MDFIC2: variants seen among roughly 807,000 people sequenced by gnomAD.
MDFIC2 encodes the protein MyoD family inhibitor domain containing 2.
intron 2 of MDFIC2, among the ~76,000 whole-genome samples, chr3:70,217,123 T>C (rs987119408): frequency 4.6e-5 from 7 of 152,244 alleles, no homozygotes; most frequent in African/African-American, 1.7e-4. Flanking sequence ...ACCAAAATGC[T>C]GCCTAATGAA....
chr3:70,283,793 A>T (rs1297460608), intron 2 of MDFIC2: 1 of 151,804 alleles, frequency 6.6e-6, no homozygotes, highest in Non-Finnish European at 1.5e-5. Flanking sequence ...AAAGAGAGAG[A>T]AGAAAAAGAA....
At chr3:70,268,811 A>G (rs149522331) in intron 2 of MDFIC2, among the ~76,000 whole-genome samples, 14 of 152,216 alleles carry the variant, frequency 9.2e-5, no homozygotes, top group African/African-American at 3.1e-4. Context: ...TCCTTCATCT[A>G]CAAAACAAAC....
At chr3:70,226,719 C>CAG (rs1266169841) in intron 2 of MDFIC2, among the ~76,000 whole-genome samples, 1 of 127,148 alleles carries the variant, frequency 7.9e-6, no homozygotes, top group East Asian at 2.3e-4. Flanking sequence ...GCCTGGGCAA[C>CAG]AGAGAGAGAC....
chr3:70,217,453 G>A (rs1000309583), intron 2 of MDFIC2, among the ~76,000 whole-genome samples: 9 of 152,202 alleles, frequency 5.9e-5, no homozygotes, highest in Middle Eastern at 3.4e-3. Context: ...GAAAGATTGC[G>A]TCCATATAGA....
chr3:70,195,646 C>T lies in MDFIC2; in HGVS notation c.*1280G>A, dbSNP rs960029420. Among the ~76,000 whole-genome samples the T allele has an allele frequency of 3.3e-5, 5 of 152,118 alleles. No individual in the cohort carries two copies. The highest frequency in any genetic ancestry group is 1.2e-4 in the African/African-American group (5 of 41,432). On this transcript the variant is annotated 3_prime_UTR_variant, in exon 4 of 4. Transcript: ENST00000567252. The stretch of plus-strand genomic sequence containing the variant: ...TACACACAAAAAAATTCCCTCAATT[C>T]TCCATTTCACTTTTGTGTTCTTTGT...
At chr3:70,253,460 A>T (rs1701788109) in intron 2 of MDFIC2, among the ~76,000 whole-genome samples, 1 of 152,178 alleles carries the variant, frequency 6.6e-6, no homozygotes, top group African/African-American at 2.4e-5. Context: ...CCACATTGAA[A>T]ATGTTTCATC....
intron 2 of MDFIC2, among the ~76,000 whole-genome samples, chr3:70,207,708 T>C (rs1273678736): frequency 6.6e-6 from 1 of 152,034 alleles, no homozygotes; most frequent in Non-Finnish European, 1.5e-5. Flanking sequence ...TTACATAGCA[T>C]TTACATAGTA....
intron 2 of MDFIC2, among the ~76,000 whole-genome samples, chr3:70,233,735 A>G (rs1701583394): frequency 6.6e-6 from 1 of 152,184 alleles, no homozygotes; most frequent in Non-Finnish European, 1.5e-5. Flanking sequence ...ATGTAAACTG[A>G]ATCACTCAGT....
intron 2 of MDFIC2, among the ~76,000 whole-genome samples, chr3:70,265,669 A>C (rs1701910669): frequency 6.6e-6 from 1 of 152,252 alleles, no homozygotes; most frequent in South Asian, 2.1e-4. Flanking sequence ...CAAATGTATT[A>C]GTCCATTCTC....
chr3:70,292,198 T>C (rs1702245287), intron 2 of MDFIC2, among the ~76,000 whole-genome samples: 1 of 152,210 alleles, frequency 6.6e-6, no homozygotes, highest in Non-Finnish European at 1.5e-5. Flanking sequence ...CCTTTATGAA[T>C]TGGAGATAAT....
chr3:70,296,366 G>C (rs1052417480), intron 2 of MDFIC2, among the ~76,000 whole-genome samples: 5 of 152,006 alleles, frequency 3.3e-5, no homozygotes, highest in African/African-American at 2.4e-5. Flanking sequence ...CTTTCTTACT[G>C]TTAACTATGG....
At chr3:70,309,640 T>C (rs556501308) in intron 2 of MDFIC2, among the ~76,000 whole-genome samples, 2 of 152,264 alleles carry the variant, frequency 1.3e-5, no homozygotes, top group East Asian at 1.9e-4. Context: ...CCACTTTGAC[T>C]TTTTTAAATA....
chr3:70,300,079 C>T (rs1432762998), intron 2 of MDFIC2, among the ~76,000 whole-genome samples: 1 of 152,074 alleles, frequency 6.6e-6, no homozygotes, highest in Admixed American at 6.6e-5. Flanking sequence ...CAGCCAAATT[C>T]CCCATTTTTC....
intron 2 of MDFIC2, among the ~76,000 whole-genome samples, chr3:70,225,843 G>A (rs548196241): frequency 6.6e-6 from 1 of 152,294 alleles, no homozygotes; most frequent in South Asian, 2.1e-4. Flanking sequence ...AATGAGCTTT[G>A]TTTAGACAAA....
At chr3:70,296,790 C>CT (rs1702293255) in intron 2 of MDFIC2, among the ~76,000 whole-genome samples, 1 of 152,094 alleles carries the variant, frequency 6.6e-6, no homozygotes, top group South Asian at 2.1e-4. Flanking sequence ...TTCCAATCTG[C>CT]TTTTTCTACT....
intron 2 of MDFIC2, among the ~76,000 whole-genome samples, chr3:70,252,257 T>C (rs1701776366): frequency 2.6e-5 from 4 of 152,194 alleles, no homozygotes; most frequent in Admixed American, 2.6e-4. Flanking sequence ...ATCCAATGTA[T>C]GACTTAGGCT....
chr3:70,257,275 A>G (rs1417575010), intron 2 of MDFIC2, among the ~76,000 whole-genome samples: 1 of 152,208 alleles, frequency 6.6e-6, no homozygotes, highest in Non-Finnish European at 1.5e-5. Flanking sequence ...AAAAAAGTTC[A>G]AGAATAGACT....
rs1045352398 is a variant in MDFIC2 at position 70,247,026 on chromosome 3, T to C, written c.89-40236A>G. ...GTGAGTGGTCGCCTATCTGTTTCCA[T>C]GACTACCACGAAGGATAGTTATTTT... On this transcript the variant is annotated intron_variant, in intron 2 of 3. Transcript: ENST00000567252. Among the ~76,000 whole-genome samples, 10 of 152,162 alleles carry C rather than the reference T, an allele frequency of 6.6e-5. No individual in the cohort carries two copies. The East Asian group carries it at 1.9e-3, about 29-fold the overall frequency.
chr3:70,220,439 TA>T lies in MDFIC2; in HGVS notation c.89-13650del, dbSNP rs201824803. 9.7e-3 allele frequency among the ~76,000 whole-genome samples: 1,424 copies of T among 147,554 alleles called. 71 individuals carry two copies. In the East Asian group the frequency reaches 0.15, roughly 15 times the overall value. On this transcript the variant is annotated intron_variant, in intron 2 of 3. Transcript: ENST00000567252. ...GGAGACAGAGCAAGACCTTACCTCT[TA>T]AAAAAAAAAATTACTTCAAGTTATA...
Sources: gnomAD v4.1 joint callset for allele counts (sites outside exome capture counted in the v4.1 genomes callset) on GRCh38, gnomAD v4.1.1 for gene constraint, MANE v1.5 for transcripts, NCBI Gene and HGNC (gene_info 2026-07-23, HGNC 2026-07-21) for gene names.